Variants in DCPS observed in about 807,000 individuals in gnomAD.
DCPS encodes the protein m7GpppX diphosphatase.
In DCPS, 27 loss-of-function variants were observed where a neutral mutation model predicts 34.7. That is an observed-to-expected ratio of 0.78 (90% CI 0.57 to 1.07). The LOEUF (loss-of-function observed/expected upper bound fraction) is 1.07, where lower values mean the gene tolerates loss of function less well. Ranked by LOEUF, DCPS falls within the 50% of genes least tolerant of loss-of-function variation. The probability of loss-of-function intolerance (pLI) is 0.00; values close to 1 mark genes in which losing one functional copy is unlikely to be tolerated. For missense variants in DCPS, 464 were observed against 436.9 expected, an observed-to-expected ratio of 1.06 and a Z score of -0.55; for synonymous variants, 185 against 185.7, an observed-to-expected ratio of 1.00 and a Z score of 0.03.
rs945119101 is a variant in DCPS, at chr11:126,337,876, C to T, written c.523-410C>T. The T allele has an allele frequency of 5.6e-5, 11 of 197,794 alleles. No individual in the cohort carries two copies. The highest frequency in any genetic ancestry group is 2.3e-4 in the African/African-American group (10 of 43,238). 12.3% of individuals were successfully genotyped at this position (197,794 alleles called of 1,614,324 possible). Reference sequence around the variant, plus strand: ...TCCTACCTCTCTTTGCCCCATAGTCCTGAATAGAGTGAAATAGGATCCATG... The same window carrying T: ...TCCTACCTCTCTTTGCCCCATAGTCTTGAATAGAGTGAAATAGGATCCATG... On this transcript the variant is annotated intron_variant, in intron 3 of 5. Transcript: ENST00000263579. The surrounding 1 kb of genome is among the most constrained non-coding windows in gnomAD (Gnocchi z 5.3).
chr11:126,305,996 G>T (rs930372672), intron 1 of DCPS, among the ~76,000 whole-genome samples: 3 of 152,208 alleles, frequency 2.0e-5, no homozygotes, highest in Non-Finnish European at 4.4e-5. Flanking sequence ...CAGAGGTCTT[G>T]TAAGCCTAAA....
rs769980453 is a variant in DCPS at position 126,320,708 on chromosome 11, C to T, written c.377-10697C>T. On this transcript the variant is annotated intron_variant, in intron 2 of 5. Transcript: ENST00000263579. The surrounding 1 kb of genome is among the most constrained non-coding windows in gnomAD (Gnocchi z 4.7). ...GTTCCAGCTACCTGGGAGGTTGAGA[C>T]GGGAAGATCACTTCAGTCCAGGACA... 2.6e-5 allele frequency among the ~76,000 whole-genome samples: 4 copies of T among 151,950 alleles called. No homozygotes were observed. Among genetic ancestry groups the T allele is most frequent in the African/African-American group, 4.8e-5 (2 of 41,356 alleles).
In DCPS at chr11:126,320,470, T is replaced by A. The variant is rs956959459; in HGVS notation, c.377-10935T>A. Among the ~76,000 whole-genome samples the A allele has an allele frequency of 2.0e-5, 3 of 151,930 alleles. No individual in the cohort carries two copies. Among genetic ancestry groups the A allele is most frequent in the Admixed American group, 6.6e-5 (1 of 15,254 alleles). On this transcript the variant is annotated intron_variant, in intron 2 of 5. Coordinates refer to ENST00000263579, the MANE Select transcript of DCPS (RefSeq NM_014026.6). This position sits in a 1 kb window ranked among gnomAD's most constrained non-coding sequence, Gnocchi z 4.7. ...CTTCCTTTATAGCCTGCTCTGACAA[T>A]GATATTAAAGGAATATTCTTAAAAA...
At position 126,320,770 on chromosome 11, in the gene DCPS, C is replaced by T. The variant is rs1330337738; in HGVS notation, c.377-10635C>T. Among the ~76,000 whole-genome samples the T allele has an allele frequency of 6.6e-6, 1 of 152,008 alleles. No individual in the cohort carries two copies. Among genetic ancestry groups the T allele is most frequent in the Non-Finnish European group, 1.5e-5 (1 of 68,014 alleles). ...CTCCAGCCTGGGAGACAGAGCCAGA[C>T]CCTGTCTCCAGAAAAAAAAGGAGAG... On this transcript the variant is annotated intron_variant, in intron 2 of 5. Transcript: ENST00000263579. This position sits in a 1 kb window ranked among gnomAD's most constrained non-coding sequence, Gnocchi z 4.7.
intron 2 of DCPS, among the ~76,000 whole-genome samples, chr11:126,309,982 A>T (rs1951607755): frequency 6.6e-6 from 1 of 152,102 alleles, no homozygotes; most frequent in Non-Finnish European, 1.5e-5. Context: ...TGATTGTACA[A>T]ATAGAGGTCC....
At position 126,333,956 on chromosome 11, in the gene DCPS, G is replaced by T. The variant is rs183170615; in HGVS notation, c.522+2406G>T. Among the ~76,000 whole-genome samples the T allele has an allele frequency of 6.6e-6, 1 of 152,122 alleles. No individual in the cohort carries two copies. Among genetic ancestry groups the T allele is most frequent in the Non-Finnish European group, 1.5e-5 (1 of 68,040 alleles). ...ATAGGCAGTGAGGGTGCCCTAAACGGTTTTAAGCATGTGGATGATATGGCC... is the reference window on the plus strand; with the variant it reads ...ATAGGCAGTGAGGGTGCCCTAAACGTTTTTAAGCATGTGGATGATATGGCC... On this transcript the variant is annotated intron_variant, in intron 3 of 5. Coordinates refer to ENST00000263579, the MANE Select transcript of DCPS (RefSeq NM_014026.6). This position sits in a 1 kb window ranked among gnomAD's most constrained non-coding sequence, Gnocchi z 5.7.
In DCPS at chr11:126,342,101, C is replaced by T. The variant is rs1208745532; in HGVS notation, c.637-1206C>T. On this transcript the variant is annotated intron_variant, in intron 4 of 5. Coordinates refer to ENST00000263579, the MANE Select transcript of DCPS (RefSeq NM_014026.6). This position sits in a 1 kb window ranked among gnomAD's most constrained non-coding sequence, Gnocchi z 4.4. ...GCAGGGCAGGGCACTGCTGGGTTCT[C>T]CCCGTGCCTGGCCCCTCAGAGCCTT... 6.6e-6 allele frequency: 1 copy of T among 152,246 alleles called. No individual in the cohort carries two copies. The highest frequency in any genetic ancestry group is 1.5e-5 in the Non-Finnish European group (1 of 68,056). 9.4% of individuals were successfully genotyped at this position (152,246 alleles called of 1,614,324 possible).
chr11:126,329,675 T>G lies in DCPS; in HGVS notation c.377-1730T>G, dbSNP rs1163928041. On this transcript the variant is annotated intron_variant, in intron 2 of 5. Transcript: ENST00000263579. This position sits in a 1 kb window ranked among gnomAD's most constrained non-coding sequence, Gnocchi z 5.0. ...GGGTGAGATGGCCTCAGTTCCAGGT[T>G]CGCCTCTGCCACGTTTCACGGTGTG... Among the ~76,000 whole-genome samples, 5 of 152,206 alleles carry G rather than the reference T, an allele frequency of 3.3e-5. No individual in the cohort carries two copies. Among genetic ancestry groups the G allele is most frequent in the Non-Finnish European group, 7.3e-5 (5 of 68,040 alleles).
Position 126,304,087 on chromosome 11 carries a change from G to C in DCPS, c.7G>C (p.Asp3His). 6.2e-7 allele frequency: 1 copy of C among 1,600,536 alleles called. No individual in the cohort carries two copies. The highest frequency in any genetic ancestry group is 8.5e-7 in the Non-Finnish European group (1 of 1,173,632). The change falls in exon 1 of 6, where the codon GAC (aspartate) becomes CAC (histidine). Residue 3 changes from aspartate (D) to histidine (H), a missense_variant. By Grantham distance (81) the Asp-to-His change is moderately conservative (BLOSUM62 -1). Coordinates refer to ENST00000263579, the MANE Select transcript of DCPS (RefSeq NM_014026.6). Reference protein sequence around the residue: MADAAPQLGKRKR... With the variant: MAHAAPQLGKRKR... ...ACACCGCCTCCGCGGCAGCATGGCG[G>C]ACGCAGCTCCTCAACTAGGCAAGAG...
rs777378496 is a variant in DCPS at position 126,331,370 on chromosome 11, G to T, written c.377-35G>T. 302 of 1,610,368 alleles carry T rather than the reference G, an allele frequency of 1.9e-4. 5 individuals are homozygous for T. In the East Asian group the frequency reaches 6.7e-3, roughly 36 times the overall value. ...GCCTGTGGCATAGAGAGTGGGCATT[G>T]CTTCCCTGTCACGGGCTGTGCTGTA... On this transcript the variant is annotated intron_variant, in intron 2 of 5. Coordinates refer to ENST00000263579, the MANE Select transcript of DCPS (RefSeq NM_014026.6). This position sits in a 1 kb window ranked among gnomAD's most constrained non-coding sequence, Gnocchi z 7.2.
At chr11:126,317,134 A>G (rs1006605133) in intron 2 of DCPS, among the ~76,000 whole-genome samples, 16 of 149,908 alleles carry the variant, frequency 1.1e-4, no homozygotes, top group Admixed American at 2.7e-4. Context: ...AATTTTTTGT[A>G]TTTTTTAGTA....
intron 1 of DCPS, among the ~76,000 whole-genome samples, chr11:126,305,073 A>G (rs947351413): frequency 6.6e-6 from 1 of 152,172 alleles, no homozygotes; most frequent in Non-Finnish European, 1.5e-5. Flanking sequence ...CTAGGCTTCC[A>G]TGCCTCTGTG....
Position 126,344,286 on chromosome 11 carries a change from C to T in DCPS, c.747+869C>T, listed in dbSNP as rs1360839204. On this transcript the variant is annotated intron_variant, in intron 5 of 5. Coordinates refer to ENST00000263579, the MANE Select transcript of DCPS (RefSeq NM_014026.6). This position sits in a 1 kb window ranked among gnomAD's most constrained non-coding sequence, Gnocchi z 8.1. ...TGCTGGGCCCCGATCTATCTTCCCT[C>T]CTGCTCACCCACGGCACCACCCCTT... Among the ~76,000 whole-genome samples, 1 of 152,222 alleles carries T rather than the reference C, an allele frequency of 6.6e-6. No homozygotes were observed. Among genetic ancestry groups the T allele is most frequent in the Non-Finnish European group, 1.5e-5 (1 of 68,040 alleles).
At position 126,309,026 on chromosome 11, in the gene DCPS, T is replaced by C. The variant is rs1165027208; in HGVS notation, c.376+2282T>C. Among the ~76,000 whole-genome samples the C allele has an allele frequency of 1.3e-3, 123 of 97,002 alleles. 2 individuals are homozygous for C. In the East Asian group the frequency reaches 0.015, roughly 12 times the overall value. The allele number at this position is 97,002 out of a possible 152,430, so 63.6% of individuals were successfully genotyped here. On this transcript the variant is annotated intron_variant, in intron 2 of 5. Transcript: ENST00000263579. ...GTTCATCTTTTCTTTTCCTGCCCCTTTTTTTTTTTTTTTTTGAGATGGAGT... is the reference window on the plus strand; with the variant it reads ...GTTCATCTTTTCTTTTCCTGCCCCTCTTTTTTTTTTTTTTTGAGATGGAGT...
rs190123285 is a variant in DCPS, at chr11:126,331,227, C to G, written c.377-178C>G. Among the ~76,000 whole-genome samples the G allele has an allele frequency of 6.6e-6, 1 of 152,074 alleles. No individual in the cohort carries two copies. Among genetic ancestry groups the G allele is most frequent in the Non-Finnish European group, 1.5e-5 (1 of 68,038 alleles). ...TCCAGATTCTGAGTGTGGCTCAGCT[C>G]GTGAATGCAGTGGCACAAGGCACTC... On this transcript the variant is annotated intron_variant, in intron 2 of 5. Transcript: ENST00000263579. This position sits in a 1 kb window ranked among gnomAD's most constrained non-coding sequence, Gnocchi z 7.2.
rs189049883 is a variant in DCPS at position 126,342,052 on chromosome 11, A to G, written c.637-1255A>G. On this transcript the variant is annotated intron_variant, in intron 4 of 5. Coordinates refer to ENST00000263579, the MANE Select transcript of DCPS (RefSeq NM_014026.6). This position sits in a 1 kb window ranked among gnomAD's most constrained non-coding sequence, Gnocchi z 4.4. ...GAGTCATGGTCCTCAAATTATCTTC[A>G]CAAGGAATCTGGTAGCTCAGACTGC... is the stretch of plus-strand genomic sequence containing the variant. 4.3e-4 allele frequency: 66 copies of G among 152,346 alleles called. 6 individuals are homozygous for G. Among genetic ancestry groups the G allele is most frequent in the African/African-American group, 1.5e-3 (63 of 41,582 alleles). 9.4% of individuals were successfully genotyped at this position (152,346 alleles called of 1,614,324 possible). A position where few individuals can be genotyped will look rare whatever the true frequency, so the allele number is the denominator to read the frequency against.
chr11:126,343,371 C>T lies in DCPS; in HGVS notation c.701C>T (p.Thr234Ile), dbSNP rs761796404. The change falls in exon 5 of 6, where the codon ACT becomes ATT. Residue 234 changes from threonine to isoleucine, a missense_variant. Coordinates refer to ENST00000263579, the MANE Select transcript of DCPS (RefSeq NM_014026.6). ...RRGIRSLRDLTPEHLPLLRNI... is the reference protein window; with the variant it reads ...RRGIRSLRDLIPEHLPLLRNI... ...GGCATCAGATCCCTACGCGACCTTA[C>T]TCCGGAGCACTTGCCGCTGCTCAGG... The T allele has an allele frequency of 1.2e-6, 2 of 1,614,054 alleles. No individual in the cohort carries two copies. Among genetic ancestry groups the T allele is most frequent in the Admixed American group, 1.7e-5 (1 of 60,018 alleles).
In DCPS at chr11:126,348,462, G is replaced by A. The variant is rs1391529067; in HGVS notation, c.*2849G>A. The stretch of plus-strand genomic sequence containing the variant: ...CTTCAGAGCCAGCCAGTGCTCTGCT[G>A]CTGTAATCTCCAGGGACCCTGCCGG... On this transcript the variant is annotated 3_prime_UTR_variant, in exon 6 of 6. Coordinates refer to ENST00000263579, the MANE Select transcript of DCPS (RefSeq NM_014026.6). The surrounding 1 kb of genome is among the most constrained non-coding windows in gnomAD (Gnocchi z 5.3). Among the ~76,000 whole-genome samples the A allele has an allele frequency of 6.6e-6, 1 of 152,256 alleles. No homozygotes were observed. The highest frequency in any genetic ancestry group is 1.5e-5 in the Non-Finnish European group (1 of 68,044).
Position 126,337,926 on chromosome 11 carries a change from G to A in DCPS, c.523-360G>A, listed in dbSNP as rs201354786. 2 of 232,084 alleles carry A rather than the reference G, an allele frequency of 8.6e-6. No individual in the cohort carries two copies. Among genetic ancestry groups the A allele is most frequent in the East Asian group, 2.0e-4 (2 of 9,976 alleles). The allele number at this position is 232,084 out of a possible 1,614,324, so 14.4% of individuals were successfully genotyped here. On this transcript the variant is annotated intron_variant, in intron 3 of 5. Transcript: ENST00000263579. This position sits in a 1 kb window ranked among gnomAD's most constrained non-coding sequence, Gnocchi z 5.3. The stretch of plus-strand genomic sequence containing the variant: ...GGAGGCAGCTCTTCCCCTGAGTCCT[G>A]TGAGCGGTGGAGGGGGTCACTGCTA...
Sources: allele counts gnomAD v4.1 joint callset (sites outside exome capture counted in the v4.1 genomes callset), GRCh38; gene constraint gnomAD v4.1.1; non-coding constraint Gnocchi (gnomAD v3.1); transcripts MANE v1.5; gene names NCBI Gene and HGNC (gene_info 2026-07-23, HGNC 2026-07-21).